Variants in BTD observed in about 807,000 individuals in gnomAD.
The protein encoded by BTD is biocytinase.
A neutral mutation model predicts 17.7 loss-of-function variants in BTD; 13 were observed. The observed-to-expected ratio is 0.74, with a 90% CI of 0.48 to 1.17. The LOEUF is 1.17. BTD is among the 50% of genes most tolerant of loss of function. The pLI, the probability that BTD is intolerant of heterozygous loss-of-function variation, is 0.00. For missense variants in BTD, 674 were observed against 650.4 expected (o/e 1.04, Z -0.39); for synonymous variants, 240 against 245.2 (o/e 0.98, Z 0.20).
chr3:15,690,564 G>GT (rs1012270043), intron 3 of BTD, among the ~76,000 whole-genome samples: 11 of 151,886 alleles, frequency 7.2e-5, no homozygotes, highest in South Asian at 4.2e-4. Flanking sequence ...AAAAGCCTGT[G>GT]TTTTTTTTGT....
intron 2 of BTD, among the ~76,000 whole-genome samples, chr3:15,639,431 G>C (rs980501227): frequency 1.3e-5 from 2 of 152,064 alleles, no homozygotes; most frequent in African/African-American, 4.8e-5. Context: ...TGGTAAAGCT[G>C]GTTCAAAGGA....
At chr3:15,712,262 C>T (rs2072408088) in exon 4 of BTD, 2 of 1,458,764 alleles carry the variant, frequency 1.4e-6, no homozygotes, top group East Asian at 2.5e-5. Flanking sequence ...CATTTTAACA[C>T]AAGAAAAATA....
At position 15,645,146 on chromosome 3, in the gene BTD, G is replaced by A; in HGVS notation, c.1230G>A (p.Arg410=). 1 of 1,614,122 alleles carries A rather than the reference G, an allele frequency of 6.2e-7. No individual in the cohort carries two copies. The highest frequency in any genetic ancestry group is 8.5e-7 in the Non-Finnish European group (1 of 1,180,030). Residue 410 remains arginine, a synonymous_variant, in exon 4 of 4, where the codon AGG becomes AGA. Transcript: ENST00000643237. ...NGLCCYLLYE[R]PTLSKELYAL... ...TCTGCTGTTATTTACTTTACGAGAG[G>A]CCCACCTTATCCAAAGAGCTGTATG...
intron 3 of BTD, among the ~76,000 whole-genome samples, chr3:15,701,847 C>T (rs937250259): frequency 6.6e-6 from 1 of 151,880 alleles, no homozygotes; most frequent in Non-Finnish European, 1.5e-5. Flanking sequence ...TCCTTGGTGC[C>T]GAATTCAGAG....
intron 3 of BTD, among the ~76,000 whole-genome samples, chr3:15,686,742 A>G (rs1374251272): frequency 1.3e-5 from 2 of 152,226 alleles, no homozygotes; most frequent in South Asian, 2.1e-4. Flanking sequence ...TGAGATGCCG[A>G]TAAGTCTAGA....
At position 15,708,695 on chromosome 3, in the gene BTD, T is replaced by C. The variant is rs544959905; in HGVS notation, c.400-1365T>C. ...AAAGCCAAAGTGATTTTTTTATTTT[T>C]GTGGGTCATTAGTTCTTTCCATTAA... On this transcript the variant is annotated intron_variant, in intron 3 of 3. Transcript: ENST00000672141. Among the ~76,000 whole-genome samples the C allele has an allele frequency of 5.3e-5, 8 of 152,336 alleles. No homozygotes were observed. In the South Asian group the frequency reaches 1.7e-3, roughly 32 times the overall value.
At chr3:15,610,689 T>C (rs1240088024) in intron 1 of BTD, among the ~76,000 whole-genome samples, 1 of 152,228 alleles carries the variant, frequency 6.6e-6, no homozygotes, top group Non-Finnish European at 1.5e-5. Flanking sequence ...GTCTTGATGT[T>C]GGTAGGACAA....
At position 15,642,051 on chromosome 3, in the gene BTD, CACAGAGGTGATTCCTGCCTTTTT is replaced by C; in HGVS notation, c.394_399+17del. On this transcript the variant is annotated splice_donor_variant and splice_donor_5th_base_variant and coding_sequence_variant and intron_variant, in exon 3 of 4. Coordinates refer to ENST00000643237, the MANE Select transcript of BTD (RefSeq NM_001370658.1). LOFTEE classifies it high-confidence loss of function. Reference sequence around the variant, plus strand: ...GCCTGGAGCCTCACCGCTTCAATGACACAGAGGTGATTCCTGCCTTTTTCCTCAGTAGGCTGAGGGTACACAGA... The same window carrying C: ...GCCTGGAGCCTCACCGCTTCAATGACCCTCAGTAGGCTGAGGGTACACAGA... 6.2e-7 allele frequency: 1 copy of C among 1,614,122 alleles called. No homozygotes were observed. The highest frequency in any genetic ancestry group is 1.3e-5 in the African/African-American group (1 of 75,042).
chr3:15,616,950 A>G (rs1163717196), intron 1 of BTD, among the ~76,000 whole-genome samples: 1 of 151,984 alleles, frequency 6.6e-6, no homozygotes, highest in Admixed American at 6.6e-5. Context: ...CTCCTGCCTC[A>G]GCCTCCCGAG....
chr3:15,670,099 G>A, intron 3 of BTD: 1 of 677,202 alleles, frequency 1.5e-6, no homozygotes, highest in Non-Finnish European at 2.4e-6. Flanking sequence ...AGTTCCTTTT[G>A]TAAAACTTGC....
intron 2 of BTD, among the ~76,000 whole-genome samples, chr3:15,640,743 A>G (rs1232503618): frequency 6.6e-6 from 1 of 152,180 alleles, no homozygotes; most frequent in African/African-American, 2.4e-5. Context: ...CCATATATTT[A>G]TTATTATCTC....
downstream of BTD, chr3:15,713,443 T>G: frequency 8.7e-6 from 9 of 1,034,064 alleles, no homozygotes; most frequent in Non-Finnish European, 1.2e-5. Flanking sequence ...AATCCACATT[T>G]CCACGTGAAA....
intron 3 of BTD, among the ~76,000 whole-genome samples, chr3:15,690,766 G>A (rs774211956): frequency 6.6e-6 from 1 of 151,932 alleles, no homozygotes; most frequent in Admixed American, 6.6e-5. Flanking sequence ...TGAGGGTCTC[G>A]CTATGCTATC....
At chr3:15,603,825 C>T (rs538716568) in intron 1 of BTD, among the ~76,000 whole-genome samples, 1 of 152,302 alleles carries the variant, frequency 6.6e-6, no homozygotes, top group African/African-American at 2.4e-5. Flanking sequence ...TCTGGCAGGG[C>T]AGTCAAATAT....
intron 3 of BTD, chr3:15,695,246 C>T: frequency 6.6e-7 from 1 of 1,505,850 alleles, no homozygotes; most frequent in Non-Finnish European, 9.1e-7. Context: ...AAATATTTAG[C>T]TTGGGAAGTA....
At chr3:15,659,915 TTTAA>T (rs2065906093) in intron 3 of BTD, among the ~76,000 whole-genome samples, 1 of 151,842 alleles carries the variant, frequency 6.6e-6, no homozygotes. Flanking sequence ...TTCAGGGAGG[TTTAA>T]TTATTTGCCC....
At position 15,635,619 on chromosome 3, in the gene BTD, A is replaced by G. The variant is rs764016239; in HGVS notation, c.180A>G (p.Gln60=). ...SLNPLALISR[Q]EALELMNQNL... ...ACCCTCTGGCTCTCATCAGCCGCCA[A>G]GAGGCCTTGGAGCTCATGAACCAGA... The change falls in exon 2 of 4, where the codon CAA becomes CAG. Residue 60 remains glutamine, a synonymous_variant. Transcript: ENST00000643237. This position sits in a 1 kb window ranked among gnomAD's most constrained non-coding sequence, Gnocchi z 4.1. The G allele has an allele frequency of 1.5e-5, 25 of 1,614,236 alleles. No homozygotes were observed. The highest frequency in any genetic ancestry group is 1.9e-5 in the Non-Finnish European group (23 of 1,180,040).
chr3:15,637,826 G>C (rs906749077), intron 2 of BTD, among the ~76,000 whole-genome samples: 6 of 152,210 alleles, frequency 3.9e-5, no homozygotes, highest in Admixed American at 6.5e-5. Flanking sequence ...TGTGGCTGTA[G>C]AATTCTCCTG....
rs1553653053 is a variant in BTD at position 15,641,907 on chromosome 3, G to T, written c.250-1G>T. 1 of 1,602,234 alleles carries T rather than the reference G, an allele frequency of 6.2e-7. No individual in the cohort carries two copies. The highest frequency in any genetic ancestry group is 8.5e-7 in the Non-Finnish European group (1 of 1,170,020). On this transcript the variant is annotated splice_acceptor_variant, in intron 2 of 3. Coordinates refer to ENST00000643237, the MANE Select transcript of BTD (RefSeq NM_001370658.1). LOFTEE classifies it high-confidence loss of function. ...CTATTCTTTGATGTTTTCATTTTCA[G>T]GATGTACAGATTATAGTGTTTCCAG...
Sources: gnomAD v4.1 joint callset for allele counts (sites outside exome capture counted in the v4.1 genomes callset) on GRCh38, gnomAD v4.1.1 for gene constraint, Gnocchi (gnomAD v3.1) non-coding constraint, MANE v1.5 for transcripts, NCBI Gene and HGNC (gene_info 2026-07-23, HGNC 2026-07-21) for gene names.